The following OSBPL1A variants were observed in gnomAD, a reference collection of about 807,000 sequenced individuals.
OSBPL1A encodes the protein oxysterol binding protein like 1A.
In OSBPL1A, 80 loss-of-function variants were observed where a neutral mutation model predicts 137.1. The observed-to-expected ratio is 0.58, with a 90% CI of 0.49 to 0.70. The LOEUF (loss-of-function observed/expected upper bound fraction) is 0.70, where lower values mean the gene tolerates loss of function less well. OSBPL1A is among the 30% of genes least tolerant of loss of function. The probability of loss-of-function intolerance (pLI) is 0.00; values close to 1 mark genes in which losing one functional copy is unlikely to be tolerated. For missense variants in OSBPL1A, 970 were observed against 1,129.4 expected (o/e 0.86, Z 2.02); for synonymous variants, 365 against 389.7 (o/e 0.94, Z 0.75).
chr18:24,271,900 C>G lies in OSBPL1A; in HGVS notation c.1281+8942G>C. ...CCAGGACTCCCGCGCCGCGCCCGCC[C>G]GGGCCGCAGAGGTCTGCGCTGCCCC... On this transcript the variant is annotated intron_variant, in intron 15 of 27. Coordinates refer to ENST00000319481, the MANE Select transcript of OSBPL1A (RefSeq NM_080597.4). The surrounding 1 kb of genome is among the most constrained non-coding windows in gnomAD (Gnocchi z 4.0). 5 of 984,480 alleles carry G rather than the reference C, an allele frequency of 5.1e-6. No homozygotes were observed. Among genetic ancestry groups the G allele is most frequent in the Non-Finnish European group, 6.0e-6 (5 of 829,676 alleles). 61.0% of individuals were successfully genotyped at this position (984,480 alleles called of 1,614,324 possible).
chr18:24,331,194 G>A (rs549124544), intron 7 of OSBPL1A, among the ~76,000 whole-genome samples: 371 of 152,286 alleles, frequency 2.4e-3, no homozygotes, highest in African/African-American at 8.6e-3. Flanking sequence ...ACCAGACAAT[G>A]AAGTATGAGG....
intron 4 of OSBPL1A, among the ~76,000 whole-genome samples, chr18:24,349,417 T>G (rs956353133): frequency 1.3e-5 from 2 of 152,122 alleles, no homozygotes; most frequent in Non-Finnish European, 1.5e-5. Context: ...TGGATGCTAT[T>G]AAAAAATGAA....
At chr18:24,238,950 G>C (rs1336844901) in intron 16 of OSBPL1A, among the ~76,000 whole-genome samples, 1 of 152,154 alleles carries the variant, frequency 6.6e-6, no homozygotes, top group African/African-American at 2.4e-5. Context: ...ATCAAATGTG[G>C]GCAGTTTTAA....
intron 17 of OSBPL1A, among the ~76,000 whole-genome samples, chr18:24,201,838 T>A (rs138417293): frequency 6.6e-6 from 1 of 152,246 alleles, no homozygotes; most frequent in East Asian, 1.9e-4. Flanking sequence ...AGATCTCCTT[T>A]ATCTACCCGC....
chr18:24,319,750 A>G (rs2090808541), intron 7 of OSBPL1A, among the ~76,000 whole-genome samples: 1 of 152,236 alleles, frequency 6.6e-6, no homozygotes, highest in Non-Finnish European at 1.5e-5. Context: ...TTATTATTAG[A>G]GAAATGAAAG....
intron 26 of OSBPL1A, among the ~76,000 whole-genome samples, chr18:24,165,916 GT>G (rs1417625700): frequency 1.3e-5 from 2 of 152,278 alleles, no homozygotes; most frequent in African/African-American, 4.8e-5. Context: ...GGCCAACAGG[GT>G]GAAACCCCAT....
At chr18:24,196,255 G>A (rs2087027657) in intron 17 of OSBPL1A, 55 bp from the exon 18 acceptor site, 1 of 1,209,778 alleles carries the variant, frequency 8.3e-7, no homozygotes, top group Non-Finnish European at 1.2e-6. Flanking sequence ...GTCAGCAGGA[G>A]GGAAGAACTG....
chr18:24,227,801 T>G (rs1487095234), intron 16 of OSBPL1A, among the ~76,000 whole-genome samples: 2 of 152,116 alleles, frequency 1.3e-5, no homozygotes, highest in Non-Finnish European at 2.9e-5. Flanking sequence ...AAAAAAAATG[T>G]AAAAAATCAA....
chr18:24,270,399 G>A (rs1487068354), intron 15 of OSBPL1A, among the ~76,000 whole-genome samples: 2 of 152,074 alleles, frequency 1.3e-5, no homozygotes, highest in Non-Finnish European at 2.9e-5. Context: ...CATTATGCAG[G>A]GCTCACAACT....
rs547508224 is a variant in OSBPL1A, at chr18:24,195,876, A to G, written c.1677+249T>C. 2.0e-4 allele frequency: 90 copies of G among 450,184 alleles called. 1 individual carries two copies. The highest frequency in any genetic ancestry group is 1.6e-3 in the African/African-American group (82 of 50,112). The allele number at this position is 450,184 out of a possible 1,614,324, so 27.9% of individuals were successfully genotyped here. A position where few individuals can be genotyped will look rare whatever the true frequency, so the allele number is the denominator to read the frequency against. On this transcript the variant is annotated intron_variant, in intron 18 of 27. Coordinates refer to ENST00000319481, the MANE Select transcript of OSBPL1A (RefSeq NM_080597.4). ...TGGGGCAATATAAATGTGCTGTGTC[A>G]ACAGAAACACGGCATTTTCAGTTTC...
chr18:24,304,779 ACT>A (rs2090470677), intron 13 of OSBPL1A, among the ~76,000 whole-genome samples: 1 of 152,170 alleles, frequency 6.6e-6, no homozygotes, highest in South Asian at 2.1e-4. Context: ...ACAAAGTTCA[ACT>A]CAACCACAGT....
chr18:24,165,039 C>A, intron 27 of OSBPL1A, 26 bp downstream of exon 27: 1 of 1,611,232 alleles, frequency 6.2e-7, no homozygotes, highest in Non-Finnish European at 8.5e-7. Context: ...GAGGGCTCAG[C>A]CACACCCCCT....
intron 16 of OSBPL1A, among the ~76,000 whole-genome samples, chr18:24,233,180 T>C (rs1394785672): frequency 6.6e-6 from 1 of 152,210 alleles, no homozygotes; most frequent in African/African-American, 2.4e-5. Context: ...AATTAGTTAT[T>C]TAACCAGTAA....
intron 4 of OSBPL1A, chr18:24,347,902 G>A (rs1050474601): frequency 2.7e-5 from 4 of 148,310 alleles, no homozygotes; most frequent in African/African-American, 5.0e-5. Flanking sequence ...TACAAAGAGA[G>A]GTTCAAAAAA....
intron 15 of OSBPL1A, among the ~76,000 whole-genome samples, chr18:24,267,933 T>C: frequency 6.7e-6 from 1 of 149,976 alleles, no homozygotes; most frequent in East Asian, 2.0e-4. Context: ...AGCCAGTAAA[T>C]GAAGAATTAC....
intron 2 of OSBPL1A, among the ~76,000 whole-genome samples, chr18:24,371,666 A>G (rs534091186): frequency 3.4e-4 from 51 of 151,978 alleles, no homozygotes; most frequent in African/African-American, 1.2e-3. Flanking sequence ...CAGCTACTGC[A>G]CCCCTCACCC....
chr18:24,334,952 C>T (rs1255977245), intron 5 of OSBPL1A, among the ~76,000 whole-genome samples: 1 of 152,112 alleles, frequency 6.6e-6, no homozygotes, highest in Non-Finnish European at 1.5e-5. Flanking sequence ...TGCAGTGGCA[C>T]AGTCATAGCT....
At chr18:24,183,501 C>T (rs1238851232) in intron 18 of OSBPL1A, among the ~76,000 whole-genome samples, 2 of 150,768 alleles carry the variant, frequency 1.3e-5, no homozygotes, top group African/African-American at 2.4e-5. Flanking sequence ...GGCGCGATCT[C>T]GGCTCACTGA....
chr18:24,227,862 T>C (rs950683338), intron 16 of OSBPL1A, among the ~76,000 whole-genome samples: 16 of 152,204 alleles, frequency 1.1e-4, no homozygotes, highest in Non-Finnish European at 1.2e-4. Context: ...TAGTTTATGA[T>C]TTAGAAGTCA....
Sources: allele counts gnomAD v4.1 joint callset (sites outside exome capture counted in the v4.1 genomes callset), GRCh38; gene constraint gnomAD v4.1.1; non-coding constraint Gnocchi (gnomAD v3.1); transcripts MANE v1.5; gene names NCBI Gene and HGNC (gene_info 2026-07-23, HGNC 2026-07-21).